RBFOX1: variants seen among roughly 807,000 people sequenced by gnomAD.
The protein encoded by RBFOX1 is RNA binding protein fox-1 homolog 1.
A neutral mutation model predicts 57.7 loss-of-function variants in RBFOX1; 8 were observed. That is an observed-to-expected ratio of 0.14 (90% confidence interval 0.08 to 0.25). The LOEUF (loss-of-function observed/expected upper bound fraction) is 0.25, where lower values mean the gene tolerates loss of function less well. RBFOX1 is among the 10% of genes least tolerant of loss of function. The pLI is 1.00. For synonymous variants in RBFOX1, 326 were observed against 222.4 expected, an observed-to-expected ratio of 1.47 and a Z score of -4.15; for missense variants, 611 against 548.5, an observed-to-expected ratio of 1.11 and a Z score of -1.14.
intron 4 of RBFOX1, among the ~76,000 whole-genome samples, chr16:5,898,330 A>G (rs372735130): frequency 2.6e-5 from 4 of 152,246 alleles, no homozygotes; most frequent in South Asian, 2.1e-4. Flanking sequence ...AAACCATGTC[A>G]GGGTATCATA....
chr16:7,547,262 G>A (rs2084834867), intron 5 of RBFOX1, among the ~76,000 whole-genome samples: 1 of 152,230 alleles, frequency 6.6e-6, no homozygotes, highest in African/African-American at 2.4e-5. Flanking sequence ...CAACCTGCTA[G>A]CTCATAATGA....
At chr16:6,957,976 C>G (rs1040442190) in intron 3 of RBFOX1, among the ~76,000 whole-genome samples, 6 of 152,132 alleles carry the variant, frequency 3.9e-5, no homozygotes, top group Non-Finnish European at 7.3e-5. Flanking sequence ...CTTGGTTACA[C>G]AGGACCAGCT....
chr16:5,646,010 G>C (rs1208426442), intron 3 of RBFOX1, among the ~76,000 whole-genome samples: 1 of 151,592 alleles, frequency 6.6e-6, no homozygotes, highest in Non-Finnish European at 1.5e-5. Context: ...TAATTTGTTT[G>C]TCCTCTGTTT....
At chr16:5,629,554 C>T (rs1323866254) in intron 3 of RBFOX1, among the ~76,000 whole-genome samples, 2 of 152,196 alleles carry the variant, frequency 1.3e-5, no homozygotes, top group African/African-American at 4.8e-5. Flanking sequence ...AGTCTAATGT[C>T]AGAATAATAC....
intron 3 of RBFOX1, among the ~76,000 whole-genome samples, chr16:6,746,230 G>T (rs1028681614): frequency 1.9e-4 from 29 of 151,866 alleles, no homozygotes; most frequent in African/African-American, 7.0e-4. Context: ...TCAAACCCCA[G>T]CAGGCCTTTT....
intron 2 of RBFOX1, among the ~76,000 whole-genome samples, chr16:6,570,488 A>G (rs551992898): frequency 3.3e-5 from 5 of 152,064 alleles, no homozygotes; most frequent in African/African-American, 7.2e-5. Context: ...GATCCACTGT[A>G]CTCTCTCTAT....
chr16:6,856,778 T>C (rs1271029129), intron 3 of RBFOX1, among the ~76,000 whole-genome samples: 1 of 152,142 alleles, frequency 6.6e-6, no homozygotes, highest in African/African-American at 2.4e-5. Context: ...ACTCAAGCAC[T>C]AAGGAGATGT....
intron 1 of RBFOX1, among the ~76,000 whole-genome samples, chr16:6,308,740 C>G (rs896000210): frequency 2.6e-5 from 4 of 152,142 alleles, no homozygotes; most frequent in African/African-American, 9.7e-5. Context: ...GCTATTCGAC[C>G]AGGTATCAGG....
chr16:7,639,249 C>CTGT (rs1174990128), intron 11 of RBFOX1, among the ~76,000 whole-genome samples: 1 of 152,180 alleles, frequency 6.6e-6, no homozygotes, highest in Non-Finnish European at 1.5e-5. Flanking sequence ...TCTGTCTGAA[C>CTGT]TGTTTCCATT....
intron 3 of RBFOX1, among the ~76,000 whole-genome samples, chr16:6,999,664 T>C (rs1380233878): frequency 1.3e-5 from 2 of 152,056 alleles, no homozygotes; most frequent in African/African-American, 2.4e-5. Flanking sequence ...CCATCAATAT[T>C]TTGAAGCAAA....
At chr16:6,453,592 C>T (rs1421148317) in intron 2 of RBFOX1, among the ~76,000 whole-genome samples, 1 of 152,158 alleles carries the variant, frequency 6.6e-6, no homozygotes, top group East Asian at 1.9e-4. Context: ...CAGTAGAATT[C>T]TACCAGAGGT....
At chr16:7,341,017 G>C (rs1568301318) in intron 4 of RBFOX1, among the ~76,000 whole-genome samples, 2 of 152,076 alleles carry the variant, frequency 1.3e-5, no homozygotes, top group Non-Finnish European at 1.5e-5. Context: ...TCGGCAATGT[G>C]AGCTTTTGAT....
intron 3 of RBFOX1, among the ~76,000 whole-genome samples, chr16:5,675,129 A>G (rs2050126430): frequency 6.6e-6 from 1 of 152,110 alleles, no homozygotes; most frequent in Non-Finnish European, 1.5e-5. Context: ...GCCTGGGCAA[A>G]AGATAGAGAC....
intron 2 of RBFOX1, among the ~76,000 whole-genome samples, chr16:6,569,476 T>C (rs1164831920): frequency 6.6e-6 from 1 of 152,214 alleles, no homozygotes; most frequent in African/African-American, 2.4e-5. Flanking sequence ...AAAGTAATTG[T>C]TGCTTCCCAT....
chr16:7,657,282 G>A (rs1272220747), intron 12 of RBFOX1, among the ~76,000 whole-genome samples: 1 of 152,122 alleles, frequency 6.6e-6, no homozygotes, highest in Non-Finnish European at 1.5e-5. Context: ...CCCTAAGGAT[G>A]CCCTACATTC....
At chr16:7,486,756 G>C (rs1382500479) in intron 4 of RBFOX1, among the ~76,000 whole-genome samples, 1 of 152,162 alleles carries the variant, frequency 6.6e-6, no homozygotes, top group Non-Finnish European at 1.5e-5. Context: ...AATAGACAGA[G>C]ATCCAGGCCG....
intron 3 of RBFOX1, among the ~76,000 whole-genome samples, chr16:6,915,706 A>G (rs1488524841): frequency 6.6e-6 from 1 of 151,918 alleles, no homozygotes; most frequent in East Asian, 2.0e-4. Flanking sequence ...GCGCACCACC[A>G]TGCCTGACTA....
intron 3 of RBFOX1, among the ~76,000 whole-genome samples, chr16:7,026,565 C>T (rs555204712): frequency 1.8e-4 from 27 of 152,272 alleles, no homozygotes; most frequent in African/African-American, 6.0e-4. Flanking sequence ...CGGCTTCTCC[C>T]CGTCCCCTCT....
intron 2 of RBFOX1, among the ~76,000 whole-genome samples, chr16:5,526,625 A>G (rs1234528849): frequency 6.6e-6 from 1 of 151,948 alleles, no homozygotes; most frequent in Non-Finnish European, 1.5e-5. Flanking sequence ...AGGCTAGGTA[A>G]TTTTCCCAAG....
Sources: allele counts gnomAD v4.1 joint callset (sites outside exome capture counted in the v4.1 genomes callset), GRCh38; gene constraint gnomAD v4.1.1; transcripts MANE v1.5; gene names NCBI Gene and HGNC (gene_info 2026-07-23, HGNC 2026-07-21).